The following PCCA variants were observed in gnomAD, a reference collection of about 807,000 sequenced individuals.
PCCA encodes propionyl-CoA carboxylase alpha chain, mitochondrial.
A neutral mutation model predicts 101.3 loss-of-function variants in PCCA; 74 were observed. The ratio of observed to expected loss-of-function variants is 0.73; its 90% CI spans 0.61 to 0.89. PCCA has a LOEUF of 0.89. Among genes scored for constraint, PCCA ranks in the 40% least tolerant of loss-of-function variants. The pLI, the probability that PCCA is intolerant of heterozygous loss-of-function variation, is 0.00. For synonymous variants in PCCA, 294 were observed against 313.6 expected (o/e 0.94, Z 0.66); for missense variants, 891 against 907.0 (o/e 0.98, Z 0.23).
chr13:100,229,154 C>G (rs2060323286), intron 7 of PCCA, among the ~76,000 whole-genome samples: 1 of 151,562 alleles, frequency 6.6e-6, no homozygotes, highest in South Asian at 2.1e-4. Context: ...GCAGGTTTTA[C>G]AAAACCTAAA....
chr13:100,370,074 CTTTTT>C (rs386380451), intron 19 of PCCA, among the ~76,000 whole-genome samples: 3 of 74,640 alleles, frequency 4.0e-5, no homozygotes, highest in African/African-American at 5.6e-5. Flanking sequence ...GCTGTTACTT[CTTTTT>C]TTTTTTTTTT....
intron 8 of PCCA, among the ~76,000 whole-genome samples, chr13:100,252,103 T>G (rs970053643): frequency 1.6e-4 from 24 of 152,202 alleles, no homozygotes; most frequent in African/African-American, 5.3e-4. Flanking sequence ...GCAACTTTCA[T>G]CTGGGGATTT....
intron 20 of PCCA, among the ~76,000 whole-genome samples, chr13:100,429,888 T>C (rs1439128882): frequency 2.0e-5 from 3 of 151,710 alleles, no homozygotes; most frequent in East Asian, 3.9e-4. Context: ...ATTACAGGTG[T>C]GAGCCATCAC....
At chr13:100,170,667 G>A (rs910558451) in intron 6 of PCCA, among the ~76,000 whole-genome samples, 3 of 152,190 alleles carry the variant, frequency 2.0e-5, no homozygotes, top group African/African-American at 7.2e-5. Context: ...TTATGTGCTA[G>A]TTGATTGTTG....
chr13:100,191,812 G>T (rs192734489), intron 6 of PCCA, among the ~76,000 whole-genome samples: 1 of 152,200 alleles, frequency 6.6e-6, no homozygotes, highest in Non-Finnish European at 1.5e-5. Context: ...TCATTCTGCT[G>T]AGATTTTACG....
chr13:100,357,914 G>T (rs1267438697), intron 18 of PCCA, among the ~76,000 whole-genome samples: 1 of 152,150 alleles, frequency 6.6e-6, no homozygotes, highest in Non-Finnish European at 1.5e-5. Flanking sequence ...CAAATTGTTG[G>T]TTGACCCTGG....
At position 100,471,595 on chromosome 13, in the gene PCCA, C is replaced by T. The variant is rs1250534687; in HGVS notation, c.1899+22290C>T. ...GATAGTATCTAAGTTTCTTCTCAAA[C>T]ACAGCAAACATTTCACAGTTCAAAT... is the stretch of plus-strand genomic sequence containing the variant. On this transcript the variant is annotated intron_variant, in intron 21 of 23. Coordinates refer to ENST00000376285, the MANE Select transcript of PCCA (RefSeq NM_000282.4). Among the ~76,000 whole-genome samples the T allele has an allele frequency of 2.0e-5, 3 of 152,308 alleles. No homozygotes were observed. The East Asian group carries it at 5.8e-4, about 29-fold the overall frequency.
intron 19 of PCCA, among the ~76,000 whole-genome samples, chr13:100,421,859 C>G (rs1595844250): frequency 6.6e-6 from 1 of 151,720 alleles, no homozygotes; most frequent in South Asian, 2.1e-4. Flanking sequence ...TAATTTTTGT[C>G]TTTTTAGTTG....
intron 6 of PCCA, among the ~76,000 whole-genome samples, chr13:100,163,655 A>G (rs2054726166): frequency 6.6e-6 from 1 of 152,196 alleles, no homozygotes; most frequent in Non-Finnish European, 1.5e-5. Flanking sequence ...AAAGTATACA[A>G]TTGAGTGATT....
intron 3 of PCCA, 27 bp from the exon 4 acceptor site, chr13:100,111,966 A>T: frequency 6.4e-7 from 1 of 1,574,116 alleles, no homozygotes; most frequent in Non-Finnish European, 8.7e-7. Context: ...AATCACTATT[A>T]ATAGACATTA....
intron 5 of PCCA, among the ~76,000 whole-genome samples, 195 bp from the exon 6 acceptor site, chr13:100,157,089 TAAA>T (rs2053964266): frequency 6.6e-6 from 1 of 152,196 alleles, no homozygotes; most frequent in Non-Finnish European, 1.5e-5. Context: ...GTGGAGAAAG[TAAA>T]TATAAGAGGC....
intron 6 of PCCA, among the ~76,000 whole-genome samples, chr13:100,191,629 T>C (rs907365961): frequency 8.5e-5 from 13 of 152,240 alleles, no homozygotes; most frequent in Admixed American, 7.9e-4. Flanking sequence ...CCTTACTTTC[T>C]TTTATACAAG....
intron 18 of PCCA, among the ~76,000 whole-genome samples, chr13:100,342,244 T>C (rs1325892586): frequency 6.6e-6 from 1 of 152,006 alleles, no homozygotes; most frequent in Non-Finnish European, 1.5e-5. Context: ...AACACACATA[T>C]ACACTTCTTA....
intron 12 of PCCA, among the ~76,000 whole-genome samples, chr13:100,276,076 A>G (rs544873501): frequency 4.0e-5 from 6 of 151,394 alleles, no homozygotes; most frequent in African/African-American, 1.5e-4. Flanking sequence ...ATGCGTTTTT[A>G]CTCTTCTTAG....
At chr13:100,133,489 T>A (rs554888450) in intron 4 of PCCA, among the ~76,000 whole-genome samples, 5 of 152,362 alleles carry the variant, frequency 3.3e-5, no homozygotes, top group African/African-American at 1.2e-4. Context: ...GCCACGAAGA[T>A]TTTCTTCAAG....
intron 8 of PCCA, among the ~76,000 whole-genome samples, chr13:100,245,494 A>G (rs142311401): frequency 1.6e-4 from 25 of 152,272 alleles, no homozygotes; most frequent in South Asian, 1.2e-3. Flanking sequence ...TGTGTGTTCA[A>G]TTCTCATTCG....
intron 22 of PCCA, among the ~76,000 whole-genome samples, chr13:100,526,511 G>C (rs534719019): frequency 6.0e-4 from 92 of 152,348 alleles, no homozygotes; most frequent in Middle Eastern, 3.4e-3. Flanking sequence ...CGCCACACGG[G>C]GGGGCCAGAG....
In PCCA at chr13:100,368,469, C is replaced by T; in HGVS notation, c.1644-3C>T. On this transcript the variant is annotated splice_region_variant and splice_polypyrimidine_tract_variant and intron_variant, in intron 18 of 23. Transcript: ENST00000376285. ...AACTCTTTTTCTTTTCATTCTACTT[C>T]AGAATGCCTGTTATTAAACCAGACA... 1 of 1,484,744 alleles carries T rather than the reference C, an allele frequency of 6.7e-7. No individual in the cohort carries two copies. The highest frequency in any genetic ancestry group is 9.4e-7 in the Non-Finnish European group (1 of 1,063,816). The allele number at this position is 1,484,744 out of a possible 1,614,324, so 92.0% of individuals were successfully genotyped here. A position where few individuals can be genotyped will look rare whatever the true frequency, so the allele number is the denominator to read the frequency against.
At chr13:100,441,593 A>G (rs2080372749) in intron 20 of PCCA, among the ~76,000 whole-genome samples, 1 of 152,250 alleles carries the variant, frequency 6.6e-6, no homozygotes. Context: ...AAAAAGGAAT[A>G]TATTATGTAA....
Sources: gnomAD v4.1 joint callset for allele counts (sites outside exome capture counted in the v4.1 genomes callset) on GRCh38, gnomAD v4.1.1 for gene constraint, MANE v1.5 for transcripts, NCBI Gene and HGNC (gene_info 2026-07-23, HGNC 2026-07-21) for gene names.